EPYC: variants seen among roughly 807,000 people sequenced by gnomAD.
The protein encoded by EPYC is epiphycan.
A neutral mutation model predicts 30.1 loss-of-function variants in EPYC; 28 were observed. That is an observed-to-expected ratio of 0.93 (90% CI 0.69 to 1.28). The LOEUF is 1.28. Ranked by LOEUF, EPYC falls within the 50% of genes most tolerant of loss-of-function variation. EPYC has a pLI of 0.00. For synonymous variants in EPYC, 144 were observed against 141.4 expected (o/e 1.02, Z -0.13); for missense variants, 382 against 383.5 (o/e 1.00, Z 0.03).
intron 6 of EPYC, among the ~76,000 whole-genome samples, chr12:90,966,906 G>A (rs2120792160): frequency 6.6e-6 from 1 of 151,830 alleles, no homozygotes; most frequent in Non-Finnish European, 1.5e-5. Flanking sequence ...TAATTTGTTG[G>A]TTTACAGTTG....
chr12:90,964,751 G>T (rs776684974), intron 6 of EPYC, among the ~76,000 whole-genome samples: 8 of 152,116 alleles, frequency 5.3e-5, no homozygotes, highest in Non-Finnish European at 8.8e-5. Flanking sequence ...GAGTCCTGAG[G>T]AATCAACATG....
intron 2 of EPYC, 144 bp from the exon 3 acceptor site, chr12:90,978,406 G>T: frequency 1.4e-6 from 1 of 695,834 alleles, no homozygotes; most frequent in Non-Finnish European, 2.2e-6. Flanking sequence ...CATCCTGCTT[G>T]CTTGGAGGAA....
chr12:90,974,127 G>T (rs1009278546), intron 3 of EPYC, among the ~76,000 whole-genome samples: 1 of 151,420 alleles, frequency 6.6e-6, no homozygotes, highest in African/African-American at 2.4e-5. Context: ...GGAGAGGACA[G>T]TAAACTTCTA....
At chr12:91,002,602 A>G (rs1424213045) in intron 1 of EPYC, 24 bp from the exon 2 acceptor site, 2 of 1,501,214 alleles carry the variant, frequency 1.3e-6, no homozygotes, top group East Asian at 2.4e-5. Flanking sequence ...ATTAAAATGC[A>G]TAAATATTTA....
intron 2 of EPYC, among the ~76,000 whole-genome samples, chr12:90,991,916 A>C (rs375120497): frequency 1.8e-4 from 28 of 152,314 alleles, no homozygotes; most frequent in African/African-American, 6.5e-4. Flanking sequence ...ACTATTGAAC[A>C]AAGTCTTGAG....
At position 90,978,265 on chromosome 12, in the gene EPYC, G is replaced by GAA. The variant is rs66600255; in HGVS notation, c.166-5_166-4dup. ...GGCATCACTGTGGCTATTTCAATCT[G>GAA]AAAAAAAAAAAAAAAAGAGAATTTC... is the stretch of plus-strand genomic sequence containing the variant. On this transcript the variant is annotated splice_polypyrimidine_tract_variant and splice_region_variant and intron_variant, in intron 2 of 6. Coordinates refer to ENST00000261172, the MANE Select transcript of EPYC (RefSeq NM_004950.5). The GAA allele has an allele frequency of 4.8e-4, 655 of 1,355,982 alleles. No homozygotes were observed. The highest frequency in any genetic ancestry group is 1.6e-3 in the South Asian group (117 of 71,094). 84.0% of individuals were successfully genotyped at this position (1,355,982 alleles called of 1,614,324 possible).
chr12:90,977,637 A>T (rs1877217849), intron 3 of EPYC, among the ~76,000 whole-genome samples: 1 of 152,148 alleles, frequency 6.6e-6, no homozygotes, highest in African/African-American at 2.4e-5. Flanking sequence ...TAATAATCCA[A>T]TGAGATAATG....
At chr12:90,977,528 A>C (rs1343048605) in intron 3 of EPYC, among the ~76,000 whole-genome samples, 2 of 152,130 alleles carry the variant, frequency 1.3e-5, no homozygotes, top group Admixed American at 6.6e-5. Context: ...CCTGCTATGT[A>C]ACAGCTTTGT....
intron 2 of EPYC, among the ~76,000 whole-genome samples, chr12:90,993,317 T>G (rs1877628597): frequency 6.6e-6 from 1 of 152,196 alleles, no homozygotes; most frequent in Non-Finnish European, 1.5e-5. Context: ...AGTTTATTTC[T>G]GGAGTTTTGT....
chr12:90,975,167 A>G (rs1036197902), intron 3 of EPYC, among the ~76,000 whole-genome samples: 4 of 152,156 alleles, frequency 2.6e-5, no homozygotes, highest in African/African-American at 9.6e-5. Flanking sequence ...GCTGTAAAAT[A>G]TTTAATACGT....
intron 5 of EPYC, among the ~76,000 whole-genome samples, chr12:90,971,247 T>C (rs1409784332): frequency 1.3e-5 from 2 of 152,186 alleles, no homozygotes; most frequent in Admixed American, 1.3e-4. Context: ...CAACTTCTTA[T>C]TCTGGCCCTG....
intron 6 of EPYC, among the ~76,000 whole-genome samples, chr12:90,966,943 A>G (rs1199603608): frequency 6.6e-6 from 1 of 151,956 alleles, no homozygotes; most frequent in Non-Finnish European, 1.5e-5. Context: ...GATCCTTCTT[A>G]TTCCTGTAAG....
At position 90,964,212 on chromosome 12, in the gene EPYC, T is replaced by C. The variant is rs1490960373; in HGVS notation, c.913A>G (p.Lys305Glu). The C allele has an allele frequency of 4.3e-6, 7 of 1,613,440 alleles. No individual in the cohort carries two copies. Among genetic ancestry groups the C allele is most frequent in the Non-Finnish European group, 5.9e-6 (7 of 1,179,632 alleles). Residue 305 changes from lysine (K) to glutamate (E), a missense_variant, in exon 7 of 7, where the codon AAA becomes GAA. Lys to Glu is a moderately conservative substitution (Grantham distance 56). Transcript: ENST00000261172. Reference sequence around the variant, plus strand: ...AGACACATGTATGCTTGAGGAGTTTTGCTGAGATTAATAGGGTTTCCATCC... The same window carrying C: ...AGACACATGTATGCTTGAGGAGTTTCGCTGAGATTAATAGGGTTTCCATCC... ...RLDGNPINLS[K>E]TPQAYMCLPR...
chr12:90,965,031 C>T (rs1219297574), intron 6 of EPYC, among the ~76,000 whole-genome samples: 3 of 152,132 alleles, frequency 2.0e-5, no homozygotes, highest in Admixed American at 2.0e-4. Flanking sequence ...TCCCCTCCTC[C>T]CACCCCAGCA....
intron 6 of EPYC, among the ~76,000 whole-genome samples, chr12:90,965,789 A>C (rs550140149): frequency 4.2e-4 from 64 of 152,200 alleles, no homozygotes; most frequent in African/African-American, 1.4e-3. Context: ...TTCTTTATTT[A>C]GATCTTAATT....
At chr12:90,972,580 T>G in intron 4 of EPYC, 1 of 342,138 alleles carries the variant, frequency 2.9e-6, no homozygotes, top group Admixed American at 4.5e-5. Flanking sequence ...TTATTATGCA[T>G]ATTTAGTTTA....
chr12:90,995,891 T>G (rs1013384556), intron 2 of EPYC, among the ~76,000 whole-genome samples: 4 of 151,930 alleles, frequency 2.6e-5, no homozygotes, highest in African/African-American at 9.7e-5. Context: ...CCTCCCTTCC[T>G]GTAGATCATC....
intron 6 of EPYC, among the ~76,000 whole-genome samples, chr12:90,968,339 A>G (rs1248255882): frequency 6.6e-6 from 1 of 152,218 alleles, no homozygotes; most frequent in Non-Finnish European, 1.5e-5. Context: ...CCTGTATAGA[A>G]GATCACCTTT....
chr12:90,999,560 A>G (rs1325643399), intron 2 of EPYC, among the ~76,000 whole-genome samples: 2 of 152,062 alleles, frequency 1.3e-5, no homozygotes, highest in African/African-American at 4.8e-5. Flanking sequence ...TTTTTCTTTA[A>G]CTGTACCCTA....
Sources: allele counts gnomAD v4.1 joint callset (sites outside exome capture counted in the v4.1 genomes callset), GRCh38; gene constraint gnomAD v4.1.1; transcripts MANE v1.5; gene names NCBI Gene and HGNC (gene_info 2026-07-23, HGNC 2026-07-21).